The following NTNG1 variants were observed in gnomAD, a reference collection of about 807,000 sequenced individuals.
NTNG1 encodes netrin-G1.
In NTNG1, 16 loss-of-function variants were observed where a neutral mutation model predicts 54.0. That is an observed-to-expected ratio of 0.30 (90% CI 0.20 to 0.45). The LOEUF (loss-of-function observed/expected upper bound fraction) is 0.45. Ranked by LOEUF, NTNG1 falls within the 20% of genes least tolerant of loss-of-function variation. The probability of loss-of-function intolerance (pLI) is 1.00; values close to 1 mark genes in which losing one functional copy is unlikely to be tolerated. For missense variants in NTNG1, 530 were observed against 678.7 expected (o/e 0.78, Z 2.43); for synonymous variants, 255 against 263.1 (o/e 0.97, Z 0.30).
intron 2 of NTNG1, among the ~76,000 whole-genome samples, chr1:107,279,681 A>G (rs150554787): frequency 1.9e-3 from 292 of 152,306 alleles, no homozygotes; most frequent in African/African-American, 6.6e-3. Context: ...AAAGAGTGAA[A>G]AGTCTTTTAC....
At chr1:107,314,042 G>C (rs4345828) in intron 2 of NTNG1, among the ~76,000 whole-genome samples, 151,305 of 152,320 alleles carry the variant, frequency 0.99, 75,152 homozygotes, top group Middle Eastern at 1. Flanking sequence ...TTATTCTTTA[G>C]TAAAGTCGAC....
upstream of NTNG1, chr1:107,140,909 C>T (rs905668242): frequency 9.2e-5 from 14 of 152,738 alleles, no homozygotes; most frequent in African/African-American, 3.1e-4. Context: ...GGCACGACCT[C>T]CGAAGGCTGA....
intron 7 of NTNG1, among the ~76,000 whole-genome samples, chr1:107,472,398 G>A (rs926147787): frequency 2.4e-4 from 37 of 152,114 alleles, no homozygotes; most frequent in African/African-American, 8.2e-4. Context: ...TAGAAATACC[G>A]ACTTCAAACC....
At chr1:107,414,704 G>T (rs560767994) in intron 5 of NTNG1, among the ~76,000 whole-genome samples, 1 of 152,058 alleles carries the variant, frequency 6.6e-6, no homozygotes, top group Non-Finnish European at 1.5e-5. Flanking sequence ...AACAGCAACC[G>T]CAAATAGAAT....
At chr1:107,323,071 C>T (rs1220827123) in intron 2 of NTNG1, among the ~76,000 whole-genome samples, 1 of 150,808 alleles carries the variant, frequency 6.6e-6, no homozygotes, top group Non-Finnish European at 1.5e-5. Context: ...GCTCCTGTAT[C>T]CTACAGGTAT....
At chr1:107,158,298 A>C (rs558884154) in intron 2 of NTNG1, among the ~76,000 whole-genome samples, 75 of 152,306 alleles carry the variant, frequency 4.9e-4, no homozygotes, top group Non-Finnish European at 3.5e-4. Context: ...ATAAGATTGG[A>C]AAAAACTTAC....
In NTNG1 at chr1:107,430,855, T is replaced by C. The variant is rs1675217101; in HGVS notation, c.1193T>C (p.Leu398Ser). Residue 398 changes from leucine to serine, a missense_variant, in exon 6 of 8, where the codon TTA becomes TCA. This residue lies in a region of NTNG1 where 212 missense variants were observed against 213.6 expected (regional missense o/e 0.99). Transcript: ENST00000370068. ...KHNTRGQHCE[L>S]CRLGYFRNAS... ...AACACTAGAGGGCAGCACTGTGAGT[T>C]ATGCAGGCTGGGCTACTTCAGAAAT... is the stretch of plus-strand genomic sequence containing the variant. 6.2e-7 allele frequency: 1 copy of C among 1,613,230 alleles called. No homozygotes were observed. The highest frequency in any genetic ancestry group is 8.5e-7 in the Non-Finnish European group (1 of 1,179,630).
At chr1:107,450,709 C>T (rs541332252) in intron 7 of NTNG1, among the ~76,000 whole-genome samples, 4 of 152,176 alleles carry the variant, frequency 2.6e-5, no homozygotes, top group African/African-American at 9.6e-5. Flanking sequence ...AAAATCAATG[C>T]CATTTAGTCT....
At chr1:107,155,561 C>T (rs1377381901) in intron 2 of NTNG1, among the ~76,000 whole-genome samples, 4 of 152,072 alleles carry the variant, frequency 2.6e-5, no homozygotes, top group African/African-American at 9.7e-5. Flanking sequence ...GATTTATATA[C>T]CCACATACAC....
intron 2 of NTNG1, among the ~76,000 whole-genome samples, chr1:107,200,402 T>G (rs997353319): frequency 6.6e-6 from 1 of 151,830 alleles, no homozygotes; most frequent in African/African-American, 2.4e-5. Flanking sequence ...TGGTTGAACT[T>G]AAACAGTCTG....
intron 7 of NTNG1, 65 bp from the exon 8 acceptor site, chr1:107,480,546 A>G (rs1678623841): frequency 2.1e-6 from 2 of 944,518 alleles, no homozygotes; most frequent in Non-Finnish European, 3.2e-6. Context: ...TACCAGATGA[A>G]CTTCAATTGA....
intron 2 of NTNG1, among the ~76,000 whole-genome samples, chr1:107,253,923 A>G (rs1662770441): frequency 6.6e-6 from 1 of 152,250 alleles, no homozygotes; most frequent in South Asian, 2.1e-4. Flanking sequence ...GAACAAACAC[A>G]TCACTGAAAA....
intron 2 of NTNG1, among the ~76,000 whole-genome samples, chr1:107,174,077 A>C (rs957841742): frequency 6.6e-6 from 1 of 152,194 alleles, no homozygotes; most frequent in Admixed American, 6.6e-5. Flanking sequence ...CTTCTAAACA[A>C]ATGGAAATTA....
At chr1:107,369,214 T>C (rs1423750312) in intron 3 of NTNG1, among the ~76,000 whole-genome samples, 1 of 152,212 alleles carries the variant, frequency 6.6e-6, no homozygotes, top group Non-Finnish European at 1.5e-5. Context: ...TTATGAACAT[T>C]CATGTACAAA....
At chr1:107,311,930 G>T (rs1050409936) in intron 2 of NTNG1, among the ~76,000 whole-genome samples, 1 of 152,146 alleles carries the variant, frequency 6.6e-6, no homozygotes, top group Non-Finnish European at 1.5e-5. Context: ...TATGTTCAGA[G>T]ACTTGCAGAG....
chr1:107,379,183 C>T (rs1671492376), intron 3 of NTNG1, among the ~76,000 whole-genome samples: 1 of 152,152 alleles, frequency 6.6e-6, no homozygotes, highest in African/African-American at 2.4e-5. Flanking sequence ...CAAGGCTGCT[C>T]TTCAGGCGGG....
chr1:107,480,477 A>G, intron 7 of NTNG1, 134 bp from the exon 8 acceptor site: 2 of 609,808 alleles, frequency 3.3e-6, no homozygotes, highest in South Asian at 4.3e-5. Flanking sequence ...TCGTTTGTGG[A>G]GGGGAGGGGG....
intron 2 of NTNG1, among the ~76,000 whole-genome samples, chr1:107,231,980 T>C (rs1258699980): frequency 6.6e-6 from 1 of 152,228 alleles, no homozygotes; most frequent in African/African-American, 2.4e-5. Flanking sequence ...GGTCTTCCTA[T>C]ACACAGAAAG....
chr1:107,388,718 T>TTCAGTGTC (rs1672179016), intron 3 of NTNG1, among the ~76,000 whole-genome samples: 1 of 152,202 alleles, frequency 6.6e-6, no homozygotes, highest in Non-Finnish European at 1.5e-5. Context: ...GGCTGTCTAT[T>TTCAGTGTC]TCAGTGTCCC....
Sources: gnomAD v4.1 joint callset for allele counts (sites outside exome capture counted in the v4.1 genomes callset) on GRCh38, gnomAD v4.1.1 for gene constraint, gnomAD v4.1.1 regional missense constraint, MANE v1.5 for transcripts, NCBI Gene and HGNC (gene_info 2026-07-23, HGNC 2026-07-21) for gene names.